The following STXBP5L variants were observed in gnomAD, a reference collection of about 807,000 sequenced individuals.
STXBP5L encodes the protein syntaxin-binding protein 5-like.
Under a neutral mutation model 144.5 loss-of-function variants are expected in STXBP5L, and 65 were observed. The observed-to-expected ratio is 0.45, with a 90% confidence interval of 0.37 to 0.55. The LOEUF (loss-of-function observed/expected upper bound fraction) is 0.55, where lower values mean the gene tolerates loss of function less well. Among genes scored for constraint, STXBP5L ranks in the 20% least tolerant of loss-of-function variants. The pLI, the probability that STXBP5L is intolerant of heterozygous loss-of-function variation, is 0.00. For missense variants in STXBP5L, 1,298 were observed against 1,405.5 expected (o/e 0.92, Z 1.22); for synonymous variants, 505 against 469.6 (o/e 1.08, Z -0.97).
At chr3:121,234,026 A>G (rs2049390697) in intron 12 of STXBP5L, among the ~76,000 whole-genome samples, 8 of 152,192 alleles carry the variant, frequency 5.3e-5, no homozygotes, top group Admixed American at 3.9e-4. Context: ...ATGACACATG[A>G]TAGAAGTATT....
intron 9 of STXBP5L, among the ~76,000 whole-genome samples, chr3:121,192,190 G>T (rs974287795): frequency 6.6e-6 from 1 of 152,132 alleles, no homozygotes; most frequent in Non-Finnish European, 1.5e-5. Flanking sequence ...AACAGACAGA[G>T]AGCCAAATTA....
At chr3:120,999,908 C>T (rs989994116) in intron 3 of STXBP5L, among the ~76,000 whole-genome samples, 1 of 152,138 alleles carries the variant, frequency 6.6e-6, no homozygotes, top group South Asian at 2.1e-4. Context: ...ATTGACATTT[C>T]TTTTCTTTAA....
chr3:121,058,467 T>C (rs1356443618), intron 5 of STXBP5L, among the ~76,000 whole-genome samples: 4 of 152,214 alleles, frequency 2.6e-5, no homozygotes, highest in Admixed American at 2.6e-4. Flanking sequence ...GTAGAATAAT[T>C]TCTAATCCTT....
intron 1 of STXBP5L, among the ~76,000 whole-genome samples, chr3:120,908,620 G>A (rs1708657719): frequency 6.6e-6 from 1 of 151,452 alleles, no homozygotes; most frequent in African/African-American, 2.4e-5. Context: ...CTCAGCGCTG[G>A]GCCTGGGGGA....
chr3:121,024,950 A>G (rs1022238311), intron 3 of STXBP5L, among the ~76,000 whole-genome samples: 7 of 152,200 alleles, frequency 4.6e-5, no homozygotes, highest in Non-Finnish European at 7.3e-5. Context: ...GAACAGTATC[A>G]TTCTAATATT....
intron 20 of STXBP5L, among the ~76,000 whole-genome samples, chr3:121,378,355 A>T (rs929178650): frequency 2.0e-5 from 3 of 152,152 alleles, no homozygotes; most frequent in African/African-American, 7.2e-5. Context: ...AAATGCTTCT[A>T]TTCTATCTTT....
intron 5 of STXBP5L, among the ~76,000 whole-genome samples, chr3:121,057,026 AC>A (rs1474332096): frequency 6.6e-6 from 1 of 151,002 alleles, no homozygotes; most frequent in African/African-American, 2.4e-5. Flanking sequence ...ATATTGTTAA[AC>A]AAATTAGCAA....
chr3:121,074,787 G>A (rs1360083429), intron 5 of STXBP5L, among the ~76,000 whole-genome samples: 1 of 152,134 alleles, frequency 6.6e-6, no homozygotes, highest in African/African-American at 2.4e-5. Flanking sequence ...AAGGAGATTT[G>A]TGCTTGCAAT....
intron 3 of STXBP5L, among the ~76,000 whole-genome samples, chr3:120,971,307 AT>A (rs940885202): frequency 7.2e-5 from 11 of 151,868 alleles, no homozygotes; most frequent in Admixed American, 3.3e-4. Context: ...GAAATTGAGG[AT>A]TTTGTACCCG....
At chr3:121,152,306 C>T (rs1178521315) in intron 7 of STXBP5L, among the ~76,000 whole-genome samples, 171 bp from the exon 8 acceptor site, 1 of 151,982 alleles carries the variant, frequency 6.6e-6, no homozygotes, top group Non-Finnish European at 1.5e-5. Flanking sequence ...CATATTGAAG[C>T]AGAGTTTGCC....
chr3:120,974,717 G>T (rs1940731917), intron 3 of STXBP5L, among the ~76,000 whole-genome samples: 1 of 152,218 alleles, frequency 6.6e-6, no homozygotes, highest in Admixed American at 6.5e-5. Flanking sequence ...ATTAATTTTT[G>T]TATAAGGTGT....
At chr3:121,151,223 A>AATAT (rs1329332311) in intron 7 of STXBP5L, among the ~76,000 whole-genome samples, 1 of 152,204 alleles carries the variant, frequency 6.6e-6, no homozygotes, top group Non-Finnish European at 1.5e-5. Context: ...TATTTTAAGA[A>AATAT]ATATTACTCA....
intron 3 of STXBP5L, among the ~76,000 whole-genome samples, chr3:121,001,878 A>G (rs761725171): frequency 1.3e-5 from 2 of 152,196 alleles, no homozygotes; most frequent in Non-Finnish European, 2.9e-5. Context: ...CTAGTCAGCC[A>G]TCTTGGCTCT....
intron 5 of STXBP5L, among the ~76,000 whole-genome samples, chr3:121,056,793 A>AT (rs1206238156): frequency 6.6e-6 from 1 of 152,022 alleles, no homozygotes; most frequent in Non-Finnish European, 1.5e-5. Flanking sequence ...ATATAAGCAA[A>AT]TATAATATGT....
chr3:121,246,220 A>G (rs180292), intron 14 of STXBP5L, among the ~76,000 whole-genome samples: 7,872 of 152,262 alleles, frequency 0.052, 234 homozygotes, highest in Middle Eastern at 0.099. Context: ...TGCACATGCA[A>G]GAGATCTAGG....
At chr3:121,240,166 A>G (rs944136259) in intron 13 of STXBP5L, among the ~76,000 whole-genome samples, 1 of 152,166 alleles carries the variant, frequency 6.6e-6, no homozygotes, top group Non-Finnish European at 1.5e-5. Flanking sequence ...TGCATGTAGC[A>G]ACACTGTATT....
At chr3:121,311,388 T>G (rs1435385698) in intron 19 of STXBP5L, among the ~76,000 whole-genome samples, 2 of 152,220 alleles carry the variant, frequency 1.3e-5, no homozygotes, top group Non-Finnish European at 1.5e-5. Context: ...CTTTATTTAG[T>G]ATAGTAAAGA....
chr3:121,180,291 C>T (rs1182195107), intron 9 of STXBP5L, among the ~76,000 whole-genome samples: 1 of 152,158 alleles, frequency 6.6e-6, no homozygotes, highest in African/African-American at 2.4e-5. Context: ...CTTTAGCCTA[C>T]TTAAACAAAA....
intron 3 of STXBP5L, among the ~76,000 whole-genome samples, chr3:120,978,132 C>T (rs1403160213): frequency 2.0e-5 from 3 of 152,188 alleles, no homozygotes; most frequent in African/African-American, 7.2e-5. Context: ...TAATATCCTG[C>T]AGAGTGTTTT....
Sources: allele counts gnomAD v4.1 joint callset (sites outside exome capture counted in the v4.1 genomes callset), GRCh38; gene constraint gnomAD v4.1.1; transcripts MANE v1.5; gene names NCBI Gene and HGNC (gene_info 2026-07-23, HGNC 2026-07-21).